The following KIAA1958 variants were observed in gnomAD, a reference collection of about 807,000 sequenced individuals.
KIAA1958 encodes uncharacterized protein KIAA1958.
A neutral mutation model predicts 47.2 loss-of-function variants in KIAA1958; 14 were observed. That is an observed-to-expected ratio of 0.30 (90% CI 0.20 to 0.46). The LOEUF is 0.46. Ranked by LOEUF, KIAA1958 falls within the 20% of genes least tolerant of loss-of-function variation. KIAA1958 has a pLI of 1.00. For synonymous variants in KIAA1958, 354 were observed against 353.3 expected, an observed-to-expected ratio of 1.00 and a Z score of -0.02; for missense variants, 803 against 909.2, an observed-to-expected ratio of 0.88 and a Z score of 1.50.
intron 2 of KIAA1958, among the ~76,000 whole-genome samples, chr9:112,581,512 A>G (rs868109780): frequency 1.1e-4 from 16 of 152,232 alleles, no homozygotes; most frequent in Middle Eastern, 3.4e-3. Context: ...GGAAAGACCA[A>G]AAATGCTGTG....
rs548192106 is a variant in KIAA1958, at chr9:112,666,701, C to T, written c.*6632C>T. 1.5e-3 allele frequency: 234 copies of T among 152,270 alleles called. 3 individuals carry two copies. Among genetic ancestry groups the T allele is most frequent in the African/African-American group, 5.1e-3 (213 of 41,514 alleles). The allele number at this position is 152,270 out of a possible 1,614,324, so 9.4% of individuals were successfully genotyped here. A position where few individuals can be genotyped will look rare whatever the true frequency, so the allele number is the denominator to read the frequency against. On this transcript the variant is annotated 3_prime_UTR_variant, in exon 4 of 4. Transcript: ENST00000337530. ...TCCAAGTAGCTCAATTCCTGGCTTA[C>T]TTCATGAAACAGGCCCTGTGAAATT...
At chr9:112,635,461 A>T (rs1836789977) in intron 2 of KIAA1958, among the ~76,000 whole-genome samples, 1 of 152,076 alleles carries the variant, frequency 6.6e-6, no homozygotes, top group Admixed American at 6.5e-5. Context: ...CATGTCACCC[A>T]CACTGGTCTC....
At chr9:112,635,601 G>C (rs1405871583) in intron 2 of KIAA1958, among the ~76,000 whole-genome samples, 3 of 152,086 alleles carry the variant, frequency 2.0e-5, no homozygotes, top group African/African-American at 7.2e-5. Flanking sequence ...TTCTTACCCA[G>C]TTTTGGTGAG....
intron 1 of KIAA1958, among the ~76,000 whole-genome samples, chr9:112,554,195 TA>T (rs939849313): frequency 6.6e-6 from 1 of 152,120 alleles, no homozygotes; most frequent in Non-Finnish European, 1.5e-5. Context: ...TGAAGGCACT[TA>T]CATTAGTTAA....
At chr9:112,646,247 AT>A (rs1048781087) in intron 3 of KIAA1958, among the ~76,000 whole-genome samples, 1 of 152,216 alleles carries the variant, frequency 6.6e-6, no homozygotes, top group African/African-American at 2.4e-5. Flanking sequence ...ATAAAACCAG[AT>A]TCTGATAACC....
intron 1 of KIAA1958, among the ~76,000 whole-genome samples, chr9:112,571,811 A>G (rs1490911441): frequency 6.7e-6 from 1 of 150,024 alleles, no homozygotes; most frequent in Non-Finnish European, 1.5e-5. Flanking sequence ...AAATAAATAA[A>G]AACAAAAAAT....
intron 2 of KIAA1958, among the ~76,000 whole-genome samples, chr9:112,599,586 G>A (rs887690662): frequency 2.0e-5 from 3 of 152,166 alleles, no homozygotes; most frequent in Admixed American, 6.5e-5. Context: ...TACTAATGGA[G>A]TCATTAAAGA....
intron 1 of KIAA1958, among the ~76,000 whole-genome samples, chr9:112,500,834 T>C (rs539308185): frequency 4.6e-5 from 7 of 152,034 alleles, no homozygotes; most frequent in African/African-American, 1.7e-4. Flanking sequence ...CTTGGTTGGG[T>C]TCGGTGGTTC....
chr9:112,574,881 C>G lies in KIAA1958; in HGVS notation c.801C>G (p.His267Gln), dbSNP rs375048903. 18 of 1,613,978 alleles carry G rather than the reference C, an allele frequency of 1.1e-5. No individual in the cohort carries two copies. Among genetic ancestry groups the G allele is most frequent in the Non-Finnish European group, 1.4e-5 (16 of 1,180,010 alleles). ...TSAISTELDP[H>Q]GMSASPSVIS... ...CCATCAGCACGGAGCTAGACCCACA[C>G]GGTATGTCTGCATCCCCCTCTGTGA... is the stretch of plus-strand genomic sequence containing the variant. Residue 267 changes from histidine (H) to glutamine (Q), a missense_variant, in exon 2 of 4, where the codon CAC (histidine) becomes CAG (glutamine). Physicochemically the swap from His to Gln is conservative, Grantham distance 24. Around this residue, in one of 2 missense-constraint regions of KIAA1958, gnomAD observed 761 missense variants for 829.3 expected, o/e 0.92. Coordinates refer to ENST00000337530, the MANE Select transcript of KIAA1958 (RefSeq NM_133465.4).
intron 1 of KIAA1958, among the ~76,000 whole-genome samples, chr9:112,549,616 A>T (rs1019959643): frequency 2.0e-5 from 3 of 152,124 alleles, no homozygotes; most frequent in African/African-American, 7.2e-5. Flanking sequence ...AGGAGCTAAT[A>T]CTCTGGTAGG....
intron 1 of KIAA1958, among the ~76,000 whole-genome samples, chr9:112,547,871 T>G (rs1588012659): frequency 6.6e-6 from 1 of 152,262 alleles, no homozygotes; most frequent in East Asian, 1.9e-4. Context: ...CCTGGAGGAT[T>G]TATCTGCATT....
intron 1 of KIAA1958, among the ~76,000 whole-genome samples, chr9:112,494,778 A>G (rs1202140474): frequency 6.6e-6 from 1 of 152,026 alleles, no homozygotes; most frequent in African/African-American, 2.4e-5. Context: ...GTACCTATCT[A>G]TTAAGTTTAG....
At chr9:112,580,806 A>C (rs1340644371) in intron 2 of KIAA1958, among the ~76,000 whole-genome samples, 1 of 152,002 alleles carries the variant, frequency 6.6e-6, no homozygotes, top group African/African-American at 2.4e-5. Flanking sequence ...AAACACAAAG[A>C]AAGAAACAAG....
rs138221747 is a variant in KIAA1958, at chr9:112,608,556, A to T, written c.1171+33305A>T. Among the ~76,000 whole-genome samples the T allele has an allele frequency of 4.2e-4, 64 of 152,300 alleles. No homozygotes were observed. In the East Asian group the frequency reaches 0.01, roughly 24 times the overall value. The stretch of plus-strand genomic sequence containing the variant: ...GTAATCCCAGCACTTTGGGAGTCCA[A>T]GGTGGGTGGATCACTTGAGCTCAGG... On this transcript the variant is annotated intron_variant, in intron 2 of 3. Transcript: ENST00000337530.
intron 1 of KIAA1958, among the ~76,000 whole-genome samples, chr9:112,491,012 C>T (rs914415367): frequency 6.6e-6 from 1 of 152,176 alleles, no homozygotes; most frequent in Admixed American, 6.5e-5. Context: ...CTGTCACCCA[C>T]GCTGGAATAC....
At chr9:112,537,042 C>T (rs764723072) in intron 1 of KIAA1958, among the ~76,000 whole-genome samples, 2 of 152,042 alleles carry the variant, frequency 1.3e-5, no homozygotes, top group Non-Finnish European at 2.9e-5. Context: ...AGCAAGAAGA[C>T]ACAAAGTGGG....
rs1835570879 is a variant in KIAA1958 at position 112,573,322 on chromosome 9, A to G, written c.-24-735A>G. Among the ~76,000 whole-genome samples, 8 of 152,224 alleles carry G rather than the reference A, an allele frequency of 5.3e-5. No homozygotes were observed. In the South Asian group the frequency reaches 1.7e-3, roughly 32 times the overall value. On this transcript the variant is annotated intron_variant, in intron 1 of 3. Coordinates refer to ENST00000337530, the MANE Select transcript of KIAA1958 (RefSeq NM_133465.4). Reference sequence around the variant, plus strand: ...AAAGGCAATATTTCAGGAATTGCAGACAGCCAGGAGACAGGAAGCCTGGTC... The same window carrying G: ...AAAGGCAATATTTCAGGAATTGCAGGCAGCCAGGAGACAGGAAGCCTGGTC...
intron 2 of KIAA1958, among the ~76,000 whole-genome samples, chr9:112,641,818 C>T (rs1428828901): frequency 6.6e-6 from 1 of 152,086 alleles, no homozygotes; most frequent in East Asian, 1.9e-4. Flanking sequence ...TTTTTTCAAT[C>T]ATCTTAAATT....
At chr9:112,549,669 A>G (rs1315216302) in intron 1 of KIAA1958, among the ~76,000 whole-genome samples, 2 of 152,198 alleles carry the variant, frequency 1.3e-5, no homozygotes, top group South Asian at 4.1e-4. Context: ...CAGGGAAGCA[A>G]TGGACCAAGC....
Sources: gnomAD v4.1 joint callset for allele counts (sites outside exome capture counted in the v4.1 genomes callset) on GRCh38, gnomAD v4.1.1 for gene constraint, gnomAD v4.1.1 regional missense constraint, MANE v1.5 for transcripts, NCBI Gene and HGNC (gene_info 2026-07-23, HGNC 2026-07-21) for gene names.